Variants in TSFM observed in about 807,000 individuals in gnomAD.
The protein encoded by TSFM is elongation factor Ts, mitochondrial.
A neutral mutation model predicts 33.4 loss-of-function variants in TSFM; 29 were observed. That is an observed-to-expected ratio of 0.87 (90% CI 0.65 to 1.18). The LOEUF is 1.18. TSFM is among the 50% of genes most tolerant of loss of function. TSFM has a pLI of 0.00. For missense variants in TSFM, 394 were observed against 395.6 expected (o/e 1.00, Z 0.04); for synonymous variants, 178 against 163.5 (o/e 1.09, Z -0.68).
At chr12:57,783,336 T>C (rs534383578) in intron 2 of TSFM, 53 bp downstream of exon 2, 63 of 1,607,582 alleles carry the variant, frequency 3.9e-5, no homozygotes, top group Non-Finnish European at 5.3e-5. Context: ...CCTCAGACTC[T>C]TGGGGCGGTC....
downstream of TSFM, chr12:57,802,432 C>T: frequency 6.8e-7 from 1 of 1,467,602 alleles, no homozygotes; most frequent in South Asian, 1.2e-5. Flanking sequence ...CTATCTTTCC[C>T]CTTTCTTTCG....
At chr12:57,782,947 C>A in intron 1 of TSFM, 89 bp downstream of exon 1, 1 of 1,490,180 alleles carries the variant, frequency 6.7e-7, no homozygotes. Flanking sequence ...CCTCGTTTGA[C>A]TCCATCTCAC....
intron 5 of TSFM, among the ~76,000 whole-genome samples, chr12:57,794,980 C>T (rs564721139): frequency 2.6e-5 from 4 of 151,548 alleles, no homozygotes; most frequent in South Asian, 2.1e-4. Context: ...AGGATGGTAT[C>T]GATCTCCTGA....
At chr12:57,784,036 C>T (rs1955554931) in intron 2 of TSFM, 1 of 702,800 alleles carries the variant, frequency 1.4e-6, no homozygotes, top group Non-Finnish European at 2.6e-6. Context: ...TTATGCACAT[C>T]ATAGAGTACC....
chr12:57,795,815 C>T (rs1407417391), intron 5 of TSFM, among the ~76,000 whole-genome samples: 1 of 152,056 alleles, frequency 6.6e-6, no homozygotes, highest in East Asian at 1.9e-4. Context: ...GGGTTTCATC[C>T]ATGTTGGCCA....
downstream of TSFM, chr12:57,801,355 C>A: frequency 4.8e-6 from 3 of 624,648 alleles, no homozygotes; most frequent in Non-Finnish European, 8.3e-6. Context: ...GAAAATCCCC[C>A]CTTTTGGGTC....
downstream of TSFM, chr12:57,801,450 C>T (rs1955846450): frequency 1.2e-5 from 4 of 344,014 alleles, no homozygotes; most frequent in Admixed American, 4.5e-5. Context: ...TAAGAAAGAG[C>T]AGTTGAAGGC....
At chr12:57,791,008 ATT>A (rs761448648) in intron 4 of TSFM, among the ~76,000 whole-genome samples, 30 of 132,028 alleles carry the variant, frequency 2.3e-4, no homozygotes, top group Admixed American at 3.1e-4. Context: ...ACTGGGCCAG[ATT>A]TTTTTTTTTT....
At chr12:57,783,596 CTT>C (rs5798416) in intron 2 of TSFM, 9,634 of 478,882 alleles carry the variant, frequency 0.02, no homozygotes, top group East Asian at 0.069. Flanking sequence ...TGACTTTAGA[CTT>C]TTTTTTTTTT....
rs780491768 is a variant in TSFM, at chr12:57,793,018, T to C, written c.516T>C (p.Leu172=). The stretch of plus-strand genomic sequence containing the variant: ...TGAATTCCTCTGAGCTTTCTGGACT[T>C]CCAGCTGGGCCTGACAGAGAAGGCT... ...GFLNSSELSG[L]PAGPDREGSL... is the part of the protein sequence containing the mutation. The change falls in exon 5 of 6, where the codon CTT becomes CTC. Residue 172 remains leucine, a synonymous_variant. Coordinates refer to ENST00000652027, the MANE Select transcript of TSFM (RefSeq NM_005726.6). 6.2e-7 allele frequency: 1 copy of C among 1,613,910 alleles called. No homozygotes were observed.
Position 57,782,840 on chromosome 12 carries a change from G to A in TSFM, c.39G>A (p.Ala13=). Reference sequence around the variant, plus strand: ...GGTCGCTGCGCGTGTTTCTGGTCGCGCGGACCGGGAGCTACCCGGTGAGAA... The same window carrying A: ...GGTCGCTGCGCGTGTTTCTGGTCGCACGGACCGGGAGCTACCCGGTGAGAA... ...LLRSLRVFLV[A]RTGSYPAGSL... is the part of the protein sequence containing the mutation. Residue 13 remains alanine, a synonymous_variant, in exon 1 of 6, where the codon GCG becomes GCA. Transcript: ENST00000652027. 6.3e-7 allele frequency: 1 copy of A among 1,595,518 alleles called. No homozygotes were observed. The highest frequency in any genetic ancestry group is 2.3e-5 in the East Asian group (1 of 43,762).
downstream of TSFM, chr12:57,800,441 C>T (rs1384820230): frequency 6.5e-6 from 1 of 153,776 alleles, no homozygotes; most frequent in African/African-American, 2.4e-5. Flanking sequence ...GGCTCCACTT[C>T]TTTTAACCAT....
intron 2 of TSFM, among the ~76,000 whole-genome samples, chr12:57,785,205 C>T (rs1481466995): frequency 1.3e-5 from 2 of 152,056 alleles, no homozygotes; most frequent in Admixed American, 1.3e-4. Flanking sequence ...GGATTACAGG[C>T]GTGAGCCACA....
chr12:57,802,851 C>G (rs554380506), downstream of TSFM: 1 of 560,848 alleles, frequency 1.8e-6, no homozygotes, highest in African/African-American at 1.9e-5. Flanking sequence ...CATCCCTACT[C>G]CACTGCCCTT....
exon 6 of TSFM, chr12:57,802,596 C>A (rs1238629317): frequency 1.4e-6 from 1 of 706,794 alleles, no homozygotes. Flanking sequence ...ACTTCAGCTT[C>A]CTGAATCCAA....
intron 4 of TSFM, among the ~76,000 whole-genome samples, chr12:57,790,213 GCACGTGCCACCA>G (rs1167005906): frequency 6.6e-6 from 1 of 151,990 alleles, no homozygotes; most frequent in Non-Finnish European, 1.5e-5. Flanking sequence ...GGGATTACAG[GCACGTGCCACCA>G]TACCCAGCTA....
At chr12:57,783,957 C>A in intron 2 of TSFM, 1 of 702,722 alleles carries the variant, frequency 1.4e-6, no homozygotes, top group Non-Finnish European at 2.6e-6. Flanking sequence ...GTAGTTTTTG[C>A]CTGTACGGTC....
At chr12:57,786,086 C>A in intron 2 of TSFM, 77 bp from the exon 3 acceptor site, 1 of 1,426,362 alleles carries the variant, frequency 7.0e-7, no homozygotes, top group African/African-American at 1.4e-5. Context: ...ATCAGGAAAC[C>A]TGAGTATATC....
intron 4 of TSFM, among the ~76,000 whole-genome samples, chr12:57,791,166 C>A (rs553359654): frequency 6.6e-6 from 1 of 151,288 alleles, no homozygotes; most frequent in African/African-American, 2.4e-5. Flanking sequence ...CCCGCCACCA[C>A]ACCTGGCTAA....
Sources: allele counts gnomAD v4.1 joint callset (sites outside exome capture counted in the v4.1 genomes callset), GRCh38; gene constraint gnomAD v4.1.1; transcripts MANE v1.5; gene names NCBI Gene and HGNC (gene_info 2026-07-23, HGNC 2026-07-21).